The following NARS2 variants were observed in gnomAD, a reference collection of about 807,000 sequenced individuals.
The protein encoded by NARS2 is asparaginyl-tRNA synthetase 2, mitochondrial.
In NARS2, 60 loss-of-function variants were observed where a neutral mutation model predicts 62.9. That is an observed-to-expected ratio of 0.95 (90% CI 0.77 to 1.18). The LOEUF is 1.18. Among genes scored for constraint, NARS2 ranks in the 50% most tolerant of loss-of-function variants. The pLI, the probability that NARS2 is intolerant of heterozygous loss-of-function variation, is 0.00. For missense variants in NARS2, 619 were observed against 576.4 expected (o/e 1.07, Z -0.76); for synonymous variants, 196 against 200.0 (o/e 0.98, Z 0.17).
intron 11 of NARS2, among the ~76,000 whole-genome samples, chr11:78,446,458 T>C (rs1449298203): frequency 6.6e-6 from 1 of 152,202 alleles, no homozygotes; most frequent in African/African-American, 2.4e-5. Context: ...TATTTCCTGG[T>C]GTCTTGCTTT....
intron 11 of NARS2, among the ~76,000 whole-genome samples, chr11:78,449,157 T>C (rs1219179996): frequency 1.4e-5 from 2 of 139,830 alleles, no homozygotes; most frequent in African/African-American, 5.6e-5. Flanking sequence ...TTTTTTTGAG[T>C]TGGAGTCTTG....
chr11:78,496,877 G>C (rs1860079882), intron 6 of NARS2, among the ~76,000 whole-genome samples: 1 of 152,138 alleles, frequency 6.6e-6, no homozygotes, highest in South Asian at 2.1e-4. Context: ...CTAGCTGCAT[G>C]TGGAATCACT....
chr11:78,478,476 C>A lies in NARS2; in HGVS notation c.922-1G>T. ...TTTTTAGCATATGTTCTAATCTGTC[C>A]TTAATAAAAAGACAAAAAAGAAAAT... is the stretch of plus-strand genomic sequence containing the variant. On this transcript the variant is annotated splice_acceptor_variant, in intron 8 of 13. Coordinates refer to ENST00000281038, the MANE Select transcript of NARS2 (RefSeq NM_024678.6). LOFTEE classifies it high-confidence loss of function. 8.6e-7 allele frequency: 1 copy of A among 1,158,144 alleles called. No individual in the cohort carries two copies. The highest frequency in any genetic ancestry group is 1.2e-6 in the Non-Finnish European group (1 of 837,212). 71.7% of individuals were successfully genotyped at this position (1,158,144 alleles called of 1,614,324 possible).
At chr11:78,566,088 T>C (rs754452485) in intron 4 of NARS2, 44 bp downstream of exon 4, 4 of 1,506,122 alleles carry the variant, frequency 2.7e-6, no homozygotes, top group South Asian at 2.5e-5. Context: ...TAAACAGTTA[T>C]TAAAACTGTT....
intron 5 of NARS2, among the ~76,000 whole-genome samples, chr11:78,535,306 A>G (rs959820060): frequency 2.6e-5 from 4 of 152,222 alleles, no homozygotes; most frequent in Non-Finnish European, 5.9e-5. Context: ...TGGTACATAA[A>G]TTCATCTACT....
intron 5 of NARS2, among the ~76,000 whole-genome samples, chr11:78,552,450 A>G (rs1274978348): frequency 6.6e-6 from 1 of 152,186 alleles, no homozygotes; most frequent in Non-Finnish European, 1.5e-5. Flanking sequence ...GAGGCAATGA[A>G]CATTCACGTG....
Position 78,529,084 on chromosome 11 carries a change from T to G in NARS2, c.595-148A>C, listed in dbSNP as rs1861394163. On this transcript the variant is annotated intron_variant, in intron 5 of 13. Transcript: ENST00000281038. ...TCAGGAAAATAAAGGTAGTTACACA[T>G]CTAAGACAAAACGCCAGCTTGGAAA... 5.1e-6 allele frequency: 3 copies of G among 588,130 alleles called. No homozygotes were observed. The South Asian group carries it at 6.4e-5, about 13-fold the overall frequency. The allele number at this position is 588,130 out of a possible 1,614,324, so 36.4% of individuals were successfully genotyped here.
At chr11:78,518,997 C>T (rs7125327) in intron 6 of NARS2, among the ~76,000 whole-genome samples, 38,517 of 151,982 alleles carry the variant, frequency 0.25, 6,402 homozygotes, top group Non-Finnish European at 0.38. Context: ...GCATCAGAAA[C>T]GCAAACATGC....
intron 7 of NARS2, among the ~76,000 whole-genome samples, 195 bp downstream of exon 7, chr11:78,492,868 G>C (rs577893183): frequency 1.1e-3 from 175 of 152,224 alleles, no homozygotes; most frequent in African/African-American, 4.0e-3. Flanking sequence ...GGCAGAGCTG[G>C]GATATAAACT....
intron 7 of NARS2, among the ~76,000 whole-genome samples, chr11:78,486,807 A>C (rs949192757): frequency 6.6e-6 from 1 of 152,182 alleles, no homozygotes; most frequent in African/African-American, 2.4e-5. Flanking sequence ...CAAATACTGG[A>C]ATTATCTGAC....
intron 1 of NARS2, among the ~76,000 whole-genome samples, chr11:78,572,566 C>A (rs1160001740): frequency 6.6e-6 from 1 of 152,194 alleles, no homozygotes; most frequent in African/African-American, 2.4e-5. Context: ...TGAAATATCA[C>A]CTCATGCAAG....
intron 11 of NARS2, among the ~76,000 whole-genome samples, chr11:78,453,049 A>G (rs1209639522): frequency 6.6e-6 from 1 of 152,178 alleles, no homozygotes; most frequent in African/African-American, 2.4e-5. Context: ...AAGTTGACCA[A>G]ATTTGAGCAC....
intron 6 of NARS2, among the ~76,000 whole-genome samples, chr11:78,496,236 G>A (rs1409097279): frequency 6.6e-6 from 1 of 152,064 alleles, no homozygotes; most frequent in African/African-American, 2.4e-5. Flanking sequence ...ATCACCCTAT[G>A]TCAGTATCCA....
chr11:78,548,141 G>A (rs1855950257), intron 5 of NARS2, among the ~76,000 whole-genome samples: 1 of 152,154 alleles, frequency 6.6e-6, no homozygotes, highest in African/African-American at 2.4e-5. Context: ...CTTGAGCCCA[G>A]GAGTTGGACG....
intron 4 of NARS2, among the ~76,000 whole-genome samples, chr11:78,564,841 T>C (rs1856689105): frequency 6.6e-6 from 1 of 152,258 alleles, no homozygotes; most frequent in African/African-American, 2.4e-5. Flanking sequence ...ATCAAAAGCA[T>C]ATGCCTTAAA....
intron 6 of NARS2, among the ~76,000 whole-genome samples, chr11:78,501,976 T>G (rs1350373426): frequency 1.3e-5 from 2 of 152,174 alleles, no homozygotes; most frequent in African/African-American, 4.8e-5. Flanking sequence ...GGTATATTCA[T>G]ACAATGGAAT....
chr11:78,516,225 AAAC>A (rs1210481630), intron 6 of NARS2, among the ~76,000 whole-genome samples: 1 of 152,244 alleles, frequency 6.6e-6, no homozygotes, highest in East Asian at 1.9e-4. Flanking sequence ...AGCCAAACAC[AAAC>A]AACATGTATT....
intron 11 of NARS2, among the ~76,000 whole-genome samples, chr11:78,446,857 CT>C: frequency 6.6e-6 from 1 of 151,822 alleles, no homozygotes; most frequent in Non-Finnish European, 1.5e-5. Flanking sequence ...CAGTATCAAA[CT>C]AAAAAGTTTC....
chr11:78,473,634 T>G (rs141368466), intron 9 of NARS2, among the ~76,000 whole-genome samples: 1 of 152,234 alleles, frequency 6.6e-6, no homozygotes, highest in Non-Finnish European at 1.5e-5. Flanking sequence ...ATTCAAACTC[T>G]AGGCTCACTT....
Sources: allele counts gnomAD v4.1 joint callset (sites outside exome capture counted in the v4.1 genomes callset), GRCh38; gene constraint gnomAD v4.1.1; transcripts MANE v1.5; gene names NCBI Gene and HGNC (gene_info 2026-07-23, HGNC 2026-07-21).